Variants in CPEB1 observed in about 807,000 individuals in gnomAD.
CPEB1 encodes the protein cytoplasmic polyadenylation element binding protein 1.
In CPEB1, 7 loss-of-function variants were observed where a neutral mutation model predicts 65.8. The ratio of observed to expected loss-of-function variants is 0.11; its 90% CI spans 0.06 to 0.20. The LOEUF (loss-of-function observed/expected upper bound fraction) is 0.20. Ranked by LOEUF, CPEB1 falls within the 10% of genes least tolerant of loss-of-function variation. The pLI is 1.00. For synonymous variants in CPEB1, 262 were observed against 260.0 expected (o/e 1.01, Z -0.08); for missense variants, 551 against 712.2 (o/e 0.77, Z 2.58).
chr15:82,606,728 G>A lies in CPEB1; in HGVS notation c.271+20465C>T, dbSNP rs1186943584. ...AGCTACTTGGGAGGCTGAGGCAGGA[G>A]AATGGCGTGAACCCGGGAGGCGGAG... On this transcript the variant is annotated intron_variant, in intron 3 of 12. Transcript: ENST00000684509. Among the ~76,000 whole-genome samples, 2 of 82,552 alleles carry A rather than the reference G, an allele frequency of 2.4e-5. 1 individual carries two copies. The highest frequency in any genetic ancestry group is 4.8e-5 in the Non-Finnish European group (2 of 41,922). The allele number at this position is 82,552 out of a possible 152,430, so 54.2% of individuals were successfully genotyped here.
rs575117199 is a variant in CPEB1 at position 82,555,429 on chromosome 15, A to G, written c.940+441T>C. The stretch of plus-strand genomic sequence containing the variant: ...GTGCATCCCTGACTATACCAATCAG[A>G]AAGCCTCAGGGAAGAAAGCTCCAGC... On this transcript the variant is annotated intron_variant, in intron 6 of 12. Coordinates refer to ENST00000684509, the MANE Select transcript of CPEB1 (RefSeq NM_001365242.1). 3.1e-4 allele frequency among the ~76,000 whole-genome samples: 47 copies of G among 152,372 alleles called. 2 individuals are homozygous for G. In the South Asian group the frequency reaches 9.5e-3, roughly 31 times the overall value.
At chr15:82,597,086 G>C (rs2042722329) in intron 3 of CPEB1, among the ~76,000 whole-genome samples, 1 of 152,184 alleles carries the variant, frequency 6.6e-6, no homozygotes, top group Non-Finnish European at 1.5e-5. Flanking sequence ...TGCTTTTGGA[G>C]GCTGAGGCAG....
intron 3 of CPEB1, among the ~76,000 whole-genome samples, chr15:82,574,722 C>CAAAAAAAAAAAAAAAAAAAAAAAAAA (rs534968367): frequency 3.7e-5 from 2 of 53,504 alleles, no homozygotes; most frequent in African/African-American, 1.5e-4. Flanking sequence ...GACTCGGTCT[C>CAAAAAAAAAAAAAAAAAAAAAAAAAA]AAAAAAAAAA....
intron 4 of CPEB1, among the ~76,000 whole-genome samples, chr15:82,561,137 C>A (rs2150995057): frequency 6.6e-6 from 1 of 152,296 alleles, no homozygotes; most frequent in East Asian, 1.9e-4. Flanking sequence ...ATTAAGAGCT[C>A]TGAGGATGGC....
intron 3 of CPEB1, among the ~76,000 whole-genome samples, chr15:82,617,737 T>G (rs949464831): frequency 1.9e-4 from 25 of 130,508 alleles, no homozygotes; most frequent in African/African-American, 5.8e-4. Flanking sequence ...TTTTTTTTTT[T>G]TTTTTTTTTT....
At position 82,546,504 on chromosome 15, in the gene CPEB1, G is replaced by A. The variant is rs1402932944; in HGVS notation, c.1593C>T (p.Tyr531=). 6.2e-7 allele frequency: 1 copy of A among 1,613,850 alleles called. No homozygotes were observed. The highest frequency in any genetic ancestry group is 8.5e-7 in the Non-Finnish European group (1 of 1,179,848). The change falls in exon 12 of 13, where the codon TAC becomes TAT. Residue 531 remains tyrosine, a synonymous_variant. Coordinates refer to ENST00000684509, the MANE Select transcript of CPEB1 (RefSeq NM_001365242.1). The part of the protein sequence containing the change: ...KFTKKVQIDP[Y]LEDSLCHICS... ...AGATATGACACAGAGAATCTTCTAGGTAGGGGTCAATCTGAACCTGCACAA... is the reference window on the plus strand; with the variant it reads ...AGATATGACACAGAGAATCTTCTAGATAGGGGTCAATCTGAACCTGCACAA...
intron 1 of CPEB1, among the ~76,000 whole-genome samples, chr15:82,633,383 T>A (rs1001309504): frequency 6.6e-6 from 1 of 152,240 alleles, no homozygotes; most frequent in Non-Finnish European, 1.5e-5. Flanking sequence ...TACAAGTTAT[T>A]TTATTTGAGA....
At chr15:82,578,134 C>T (rs1206921977) in intron 3 of CPEB1, among the ~76,000 whole-genome samples, 13 of 150,258 alleles carry the variant, frequency 8.7e-5, no homozygotes, top group African/African-American at 2.0e-4. Context: ...AGCGAGACTC[C>T]GTCTCAAAAA....
chr15:82,615,182 T>C (rs553601614), intron 3 of CPEB1, among the ~76,000 whole-genome samples: 3 of 152,222 alleles, frequency 2.0e-5, no homozygotes, highest in Non-Finnish European at 4.4e-5. Context: ...TTTGGGTTTA[T>C]TATGAAACGG....
intron 3 of CPEB1, among the ~76,000 whole-genome samples, chr15:82,605,071 A>G: frequency 6.6e-6 from 1 of 152,232 alleles, no homozygotes; most frequent in South Asian, 2.1e-4. Flanking sequence ...GAAATTGTGG[A>G]GCCAGAAGGC....
rs2044278488 is a variant in CPEB1 at position 82,612,609 on chromosome 15, G to A, written c.271+14584C>T. On this transcript the variant is annotated intron_variant, in intron 3 of 12. Transcript: ENST00000684509. ...CCCAGCACTTTGGGAGTCCAAGGCG[G>A]GTGGGTCATGAGGTCAGAAGTTCAA... Among the ~76,000 whole-genome samples the A allele has an allele frequency of 2.6e-5, 4 of 151,928 alleles. No homozygotes were observed. In the South Asian group the frequency reaches 8.3e-4, roughly 32 times the overall value.
intron 3 of CPEB1, among the ~76,000 whole-genome samples, chr15:82,613,872 C>G (rs533024120): frequency 4.6e-5 from 7 of 152,090 alleles, no homozygotes; most frequent in African/African-American, 7.2e-5. Context: ...CCGCTCCCCC[C>G]TCAATGCCCC....
In CPEB1 at chr15:82,543,588, T is replaced by C. The variant is rs1335789040; in HGVS notation, c.*1004A>G. 1.3e-5 allele frequency: 2 copies of C among 152,414 alleles called. No homozygotes were observed. The highest frequency in any genetic ancestry group is 3.9e-4 in the East Asian group (2 of 5,164). The allele number at this position is 152,414 out of a possible 1,614,324, so 9.4% of individuals were successfully genotyped here. On this transcript the variant is annotated 3_prime_UTR_variant, in exon 13 of 13. Coordinates refer to ENST00000684509, the MANE Select transcript of CPEB1 (RefSeq NM_001365242.1). The stretch of plus-strand genomic sequence containing the variant: ...ATTAAAGATATAAGGGAAGGGTACT[T>C]GCCCCCTCTAAGAGAAAGGGCTCCT...
At chr15:82,640,665 G>A (rs1238930108) in intron 1 of CPEB1, 1 of 152,138 alleles carries the variant, frequency 6.6e-6, no homozygotes, top group Non-Finnish European at 1.5e-5. Flanking sequence ...ACCTCAGATA[G>A]ATACACGCAT....
chr15:82,544,969 C>A (rs959843259), intron 12 of CPEB1, among the ~76,000 whole-genome samples: 1 of 152,162 alleles, frequency 6.6e-6, no homozygotes, highest in Non-Finnish European at 1.5e-5. Context: ...TTTCTCTTAT[C>A]CCCTCTAACC....
intron 3 of CPEB1, among the ~76,000 whole-genome samples, chr15:82,605,828 C>A (rs563527568): frequency 6.6e-6 from 1 of 151,944 alleles, no homozygotes; most frequent in African/African-American, 2.4e-5. Flanking sequence ...CACCTGAGGT[C>A]GGGAGTTCGA....
chr15:82,616,732 A>G (rs564093480), intron 3 of CPEB1, among the ~76,000 whole-genome samples: 24 of 152,020 alleles, frequency 1.6e-4, no homozygotes, highest in Non-Finnish European at 3.5e-4. Context: ...TAGTAGAGAC[A>G]GGGTTTCACC....
At chr15:82,618,727 A>G (rs1351981764) in intron 3 of CPEB1, among the ~76,000 whole-genome samples, 1 of 152,232 alleles carries the variant, frequency 6.6e-6, no homozygotes, top group Non-Finnish European at 1.5e-5. Flanking sequence ...ACTCCTTTAC[A>G]ATAGCATTAA....
chr15:82,549,611 G>A lies in CPEB1; in HGVS notation c.1329C>T (p.Ser443=). 1 of 1,614,168 alleles carries A rather than the reference G, an allele frequency of 6.2e-7. No individual in the cohort carries two copies. Among genetic ancestry groups the A allele is most frequent in the Admixed American group, 1.7e-5 (1 of 60,018 alleles). ...TGCTGGGGTCAAGCCTCTGAGATGGGCTCCGGACAAAGTTACTGTCGGCTA... is the reference window on the plus strand; with the variant it reads ...TGCTGGGGTCAAGCCTCTGAGATGGACTCCGGACAAAGTTACTGTCGGCTA... The part of the protein sequence containing the change: ...WVLADSNFVR[S]PSQRLDPSRT... Residue 443 remains serine (S), a synonymous_variant, in exon 10 of 13, where the codon AGC becomes AGT. Transcript: ENST00000684509.
Sources: allele counts gnomAD v4.1 joint callset (sites outside exome capture counted in the v4.1 genomes callset), GRCh38; gene constraint gnomAD v4.1.1; transcripts MANE v1.5; gene names NCBI Gene and HGNC (gene_info 2026-07-23, HGNC 2026-07-21).